Variants in DNAJC7 observed in about 807,000 individuals in gnomAD.
DNAJC7 encodes DnaJ heat shock protein family (Hsp40) member C7, also known as dnaJ homolog subfamily C member 7.
A neutral mutation model predicts 67.4 loss-of-function variants in DNAJC7; 18 were observed. The ratio of observed to expected loss-of-function variants is 0.27; its 90% CI spans 0.18 to 0.40. DNAJC7 has a LOEUF of 0.40. Among genes scored for constraint, DNAJC7 ranks in the 10% least tolerant of loss-of-function variants. The pLI is 1.00. For synonymous variants in DNAJC7, 220 were observed against 207.8 expected (o/e 1.06, Z -0.50); for missense variants, 419 against 613.8 (o/e 0.68, Z 3.35).
intron 13 of DNAJC7, 123 bp downstream of exon 13, chr17:41,977,138 T>A (rs781855222): frequency 1.0e-6 from 1 of 986,038 alleles, no homozygotes; most frequent in Admixed American, 2.4e-5. Context: ...ATAGATGCCC[T>A]GCTAGATGAG....
At chr17:41,986,259 C>T (rs977389107) in intron 9 of DNAJC7, among the ~76,000 whole-genome samples, 18 of 151,682 alleles carry the variant, frequency 1.2e-4, no homozygotes, top group Non-Finnish European at 2.2e-4. Context: ...TCAGCTACTT[C>T]GGAGGCTGAA....
chr17:41,981,779 C>T, intron 12 of DNAJC7, 76 bp downstream of exon 12: 1 of 1,570,794 alleles, frequency 6.4e-7, no homozygotes, highest in African/African-American at 1.4e-5. Context: ...TAGACTCTCC[C>T]TCTGGAGCAT....
At position 41,983,601 on chromosome 17, in the gene DNAJC7, C is replaced by T. The variant is rs367848406; in HGVS notation, c.1046G>A (p.Arg349Gln). The change falls in exon 10 of 14, where the codon CGA becomes CAA. Residue 349 changes from arginine to glutamine, a missense_variant. Around this residue, in one of 4 missense-constraint regions of DNAJC7, gnomAD observed 161 missense variants for 252.2 expected, o/e 0.64. Coordinates refer to ENST00000457167, the MANE Select transcript of DNAJC7 (RefSeq NM_003315.4). ...TGTCTGGTATACTTTTTCATAGTCTCGTACTGCTTCTTCATACTGTTCTGT... is the reference window on the plus strand; with the variant it reads ...TGTCTGGTATACTTTTTCATAGTCTTGTACTGCTTCTTCATACTGTTCTGT... The part of the protein sequence containing the change: ...MDTEQYEEAV[R>Q]DYEKVYQTEK... The T allele has an allele frequency of 8.9e-5, 142 of 1,602,068 alleles. No individual in the cohort carries two copies. Among genetic ancestry groups the T allele is most frequent in the Non-Finnish European group, 1.2e-4 (137 of 1,173,544 alleles).
At chr17:41,997,560 G>A (rs2051694682) in intron 2 of DNAJC7, among the ~76,000 whole-genome samples, 1 of 152,128 alleles carries the variant, frequency 6.6e-6, no homozygotes, top group African/African-American at 2.4e-5. Flanking sequence ...GCACATCACT[G>A]CACTCCAGCC....
chr17:42,010,411 G>A (rs1442109631), intron 1 of DNAJC7, among the ~76,000 whole-genome samples: 3 of 152,044 alleles, frequency 2.0e-5, no homozygotes, highest in African/African-American at 7.2e-5. Context: ...AGAATTGCTT[G>A]AACCCGGGAG....
At chr17:41,987,766 C>G in intron 9 of DNAJC7, 53 bp downstream of exon 9, 1 of 1,486,842 alleles carries the variant, frequency 6.7e-7, no homozygotes, top group South Asian at 1.2e-5. Flanking sequence ...CAAGGCAATT[C>G]CCCTGAGGCC....
intron 1 of DNAJC7, among the ~76,000 whole-genome samples, chr17:42,010,273 C>A (rs1356627366): frequency 2.0e-5 from 3 of 146,878 alleles, no homozygotes; most frequent in African/African-American, 7.6e-5. Flanking sequence ...CACCTGAGGT[C>A]GGGAGTTCGA....
At chr17:41,989,620 T>C (rs1555647434) in intron 6 of DNAJC7, 63 bp from the exon 7 acceptor site, 1 of 1,579,290 alleles carries the variant, frequency 6.3e-7, no homozygotes. Flanking sequence ...ATTACTACCA[T>C]TTGTGGCCAG....
At chr17:41,994,218 C>T (rs2051593211) in intron 5 of DNAJC7, among the ~76,000 whole-genome samples, 1 of 151,864 alleles carries the variant, frequency 6.6e-6, no homozygotes, top group African/African-American at 2.4e-5. Flanking sequence ...TGCCTATAAT[C>T]CCAGCTACTC....
At chr17:42,011,499 T>A (rs1555651047) in intron 1 of DNAJC7, 1 of 152,218 alleles carries the variant, frequency 6.6e-6, no homozygotes, top group Non-Finnish European at 1.5e-5. Flanking sequence ...CCAGTTATGA[T>A]TATCTACTTT....
At chr17:41,982,524 T>A in intron 10 of DNAJC7, 123 bp from the exon 11 acceptor site, 1 of 1,291,160 alleles carries the variant, frequency 7.7e-7, no homozygotes, top group Non-Finnish European at 1.1e-6. Context: ...TTACGGTGCT[T>A]TCTTCTGGAG....
chr17:42,016,439 G>T (rs2052290508), intron 1 of DNAJC7: 1 of 152,206 alleles, frequency 6.6e-6, no homozygotes. Context: ...AGCTGATAAG[G>T]AAAGGGCTCC....
chr17:41,998,026 C>T (rs2051707615), intron 2 of DNAJC7, among the ~76,000 whole-genome samples: 1 of 152,174 alleles, frequency 6.6e-6, no homozygotes, highest in Non-Finnish European at 1.5e-5. Context: ...CCACATCCAG[C>T]TAATTTTTGT....
At chr17:42,005,330 T>C (rs983246182) in intron 1 of DNAJC7, among the ~76,000 whole-genome samples, 1 of 152,246 alleles carries the variant, frequency 6.6e-6, no homozygotes, top group Non-Finnish European at 1.5e-5. Flanking sequence ...AACATCATAG[T>C]TGACATTGCA....
At chr17:41,987,617 C>G in intron 9 of DNAJC7, 1 of 528,328 alleles carries the variant, frequency 1.9e-6, no homozygotes, top group South Asian at 2.8e-5. Context: ...TAGACACAGG[C>G]ATGGGAGACT....
In DNAJC7 at chr17:41,990,285, G is replaced by A. The variant is rs782351222; in HGVS notation, c.578C>T (p.Pro193Leu). ...AECLAMLGRY[P>L]EAQSVASDIL... is the part of the protein sequence containing the mutation. The stretch of plus-strand genomic sequence containing the variant: ...ATACCTAGCCACAGACTGTGCTTCT[G>A]GATAACGACCCAGCATTGCTAAACA... Residue 193 changes from proline to leucine, a missense_variant, in exon 6 of 14, where the codon CCA becomes CTA. Pro to Leu is a moderately conservative substitution (Grantham distance 98, BLOSUM62 -3). This residue lies in a region of DNAJC7 where 179 missense variants were observed against 249.7 expected (regional missense o/e 0.72). Coordinates refer to ENST00000457167, the MANE Select transcript of DNAJC7 (RefSeq NM_003315.4). 1.9e-6 allele frequency: 3 copies of A among 1,610,214 alleles called. No homozygotes were observed. The South Asian group carries it at 3.3e-5, about 18-fold the overall frequency.
chr17:41,981,352 A>C (rs1241922660), intron 12 of DNAJC7, among the ~76,000 whole-genome samples: 1 of 151,878 alleles, frequency 6.6e-6, no homozygotes, highest in Admixed American at 6.6e-5. Flanking sequence ...GCCCACCACC[A>C]CACCTGGCTA....
chr17:41,987,627 T>A, intron 9 of DNAJC7, 192 bp downstream of exon 9: 1 of 528,656 alleles, frequency 1.9e-6, no homozygotes, highest in South Asian at 2.8e-5. Flanking sequence ...CATGGGAGAC[T>A]GAGGGAGCTT....
intron 1 of DNAJC7, chr17:42,013,580 G>A (rs2052177391): frequency 6.6e-6 from 1 of 152,212 alleles, no homozygotes; most frequent in East Asian, 1.9e-4. Context: ...ACAGAGGCAG[G>A]AACTTGGCCA....
Sources: gnomAD v4.1 joint callset for allele counts (sites outside exome capture counted in the v4.1 genomes callset) on GRCh38, gnomAD v4.1.1 for gene constraint, gnomAD v4.1.1 regional missense constraint, MANE v1.5 for transcripts, NCBI Gene and HGNC (gene_info 2026-07-23, HGNC 2026-07-21) for gene names.